Variants in PCDHGB2 observed in about 807,000 individuals in gnomAD.
PCDHGB2 encodes protocadherin gamma-B2.
In PCDHGB2, 55 loss-of-function variants were observed where a neutral mutation model predicts 59.3. The ratio of observed to expected loss-of-function variants is 0.93; its 90% CI spans 0.75 to 1.16. The LOEUF (loss-of-function observed/expected upper bound fraction) is 1.16. Ranked by LOEUF, PCDHGB2 falls within the 50% of genes most tolerant of loss-of-function variation. The pLI, the probability that PCDHGB2 is intolerant of heterozygous loss-of-function variation, is 0.00. For missense variants in PCDHGB2, 1,228 were observed against 1,198.5 expected (o/e 1.02, Z -0.36); for synonymous variants, 516 against 512.0 (o/e 1.01, Z -0.11).
chr5:141,362,537 C>A lies in PCDHGB2; in HGVS notation c.2402C>A (p.Ala801Asp). ...TNHGAAGVPF[A>D]SDTILKQAPP... is the part of the protein sequence containing the mutation. ...CATGGAGCCGCTGGGGTCCCTTTTGCCTCAGATACTATTTTGAAGGTGAGC... is the reference window on the plus strand; with the variant it reads ...CATGGAGCCGCTGGGGTCCCTTTTGACTCAGATACTATTTTGAAGGTGAGC... The change falls in exon 1 of 4, where the codon GCC (alanine) becomes GAC (aspartate). Residue 801 changes from alanine (A) to aspartate (D), a missense_variant. Physicochemically the swap from Ala to Asp is moderately radical, Grantham distance 126 (BLOSUM62 -2). Transcript: ENST00000522605. 6.2e-7 allele frequency: 1 copy of A among 1,613,822 alleles called. No individual in the cohort carries two copies. The highest frequency in any genetic ancestry group is 8.5e-7 in the Non-Finnish European group (1 of 1,179,842).
At chr5:141,500,295 G>A (rs911106966) in intron 2 of PCDHGB2, among the ~76,000 whole-genome samples, 2 of 151,282 alleles carry the variant, frequency 1.3e-5, no homozygotes, top group African/African-American at 4.9e-5. Flanking sequence ...TGCAAGCTCC[G>A]CCTCCCAGGT....
intron 1 of PCDHGB2, chr5:141,421,255 C>A (rs759899934): frequency 1.9e-6 from 3 of 1,607,644 alleles, no homozygotes; most frequent in Non-Finnish European, 2.5e-6. Context: ...GCGCGGGGAC[C>A]GCAGTCGGCT....
At chr5:141,409,936 A>G in intron 1 of PCDHGB2, 2 of 1,613,064 alleles carry the variant, frequency 1.2e-6, no homozygotes, top group Non-Finnish European at 1.7e-6. Context: ...TCGATATGGT[A>G]CCTCGCTCTG....
At chr5:141,375,517 C>T (rs1399312320) in intron 1 of PCDHGB2, 3 of 1,614,038 alleles carry the variant, frequency 1.9e-6, no homozygotes, top group Non-Finnish European at 1.7e-6. Flanking sequence ...ATGCACTGGA[C>T]CCTGACGTGG....
chr5:141,499,599 C>G (rs2099792919), intron 2 of PCDHGB2, among the ~76,000 whole-genome samples: 2 of 152,102 alleles, frequency 1.3e-5, no homozygotes, highest in South Asian at 4.1e-4. Context: ...TCACCTATAT[C>G]CCTACCCTTA....
chr5:141,438,998 C>A (rs932958148), intron 1 of PCDHGB2, among the ~76,000 whole-genome samples: 7 of 151,836 alleles, frequency 4.6e-5, no homozygotes, highest in Non-Finnish European at 1.0e-4. Flanking sequence ...GGCTAAGGAC[C>A]TGGTTTGTTT....
intron 1 of PCDHGB2, among the ~76,000 whole-genome samples, chr5:141,469,667 T>C (rs62379201): frequency 0.22 from 32,952 of 152,218 alleles, 3,707 homozygotes; most frequent in African/African-American, 0.28. Flanking sequence ...CTTGTTCTAA[T>C]AAAACTACAT....
chr5:141,478,420 C>A, intron 1 of PCDHGB2: 1 of 1,613,676 alleles, frequency 6.2e-7, no homozygotes, highest in Non-Finnish European at 8.5e-7. Context: ...ACTCCCGCCG[C>A]AGCGACCCGC....
intron 1 of PCDHGB2, among the ~76,000 whole-genome samples, chr5:141,449,921 C>T (rs2098659300): frequency 6.6e-6 from 1 of 151,648 alleles, no homozygotes; most frequent in African/African-American, 2.4e-5. Flanking sequence ...TTAAATTCTA[C>T]CATACCTTAT....
intron 1 of PCDHGB2, among the ~76,000 whole-genome samples, chr5:141,484,795 C>T (rs1265916821): frequency 6.6e-6 from 1 of 151,784 alleles, no homozygotes; most frequent in African/African-American, 2.4e-5. Context: ...AGATAACAAC[C>T]CGTGGAAAAA....
chr5:141,491,438 G>T lies in PCDHGB2; in HGVS notation c.2422-3369G>T, dbSNP rs376927300. 3.7e-6 allele frequency: 6 copies of T among 1,613,948 alleles called. No homozygotes were observed. The African/African-American group carries it at 4.0e-5, about 11-fold the overall frequency. ...GGGGGTGGAGGGCAGTGCTGCAGGCGCCAGGACTCACCCTCCCCGGACTTC... is the reference window on the plus strand; with the variant it reads ...GGGGGTGGAGGGCAGTGCTGCAGGCTCCAGGACTCACCCTCCCCGGACTTC... On this transcript the variant is annotated intron_variant, in intron 1 of 3. Transcript: ENST00000522605. The surrounding 1 kb of genome is among the most constrained non-coding windows in gnomAD (Gnocchi z 6.9).
At chr5:141,419,934 T>C (rs1427601115) in intron 1 of PCDHGB2, 3 of 1,613,952 alleles carry the variant, frequency 1.9e-6, no homozygotes, top group Non-Finnish European at 2.5e-6. Flanking sequence ...CAGTTTTACC[T>C]GGTGGTGGCC....
intron 1 of PCDHGB2, chr5:141,366,519 G>A (rs1421344823): frequency 2.5e-6 from 4 of 1,614,138 alleles, no homozygotes; most frequent in Non-Finnish European, 1.7e-6. Flanking sequence ...GCTGAAGGCA[G>A]CAGGTTGGCG....
chr5:141,432,584 C>T lies in PCDHGB2; in HGVS notation c.2422-62223C>T, dbSNP rs762935149. The T allele has an allele frequency of 2.3e-5, 37 of 1,613,854 alleles. No individual in the cohort carries two copies. The highest frequency in any genetic ancestry group is 3.3e-4 in the Middle Eastern group (2 of 6,018). On this transcript the variant is annotated intron_variant, in intron 1 of 3. Coordinates refer to ENST00000522605, the MANE Select transcript of PCDHGB2 (RefSeq NM_018923.3). The surrounding 1 kb of genome is among the most constrained non-coding windows in gnomAD (Gnocchi z 6.0). ...GAACGCCTGGCTGTCCTACCGTCTG[C>T]TCAAGGCCAGCGAGCCGGGACTCTT...
intron 1 of PCDHGB2, chr5:141,387,603 C>G (rs905416609): frequency 1.8e-6 from 1 of 544,680 alleles, no homozygotes; most frequent in African/African-American, 1.9e-5. Context: ...GCAGCAGAGG[C>G]TGTAGTTTCC....
intron 1 of PCDHGB2, among the ~76,000 whole-genome samples, chr5:141,460,317 A>G (rs1045494740): frequency 4.6e-5 from 7 of 152,260 alleles, no homozygotes; most frequent in African/African-American, 1.7e-4. Flanking sequence ...CTCCTTGCCT[A>G]CTGAAAACTT....
At chr5:141,458,308 A>G (rs1363472724) in intron 1 of PCDHGB2, among the ~76,000 whole-genome samples, 1 of 152,196 alleles carries the variant, frequency 6.6e-6, no homozygotes, top group Non-Finnish European at 1.5e-5. Context: ...AGATAAAATG[A>G]CACAGACACA....
intron 2 of PCDHGB2, among the ~76,000 whole-genome samples, chr5:141,496,505 A>G (rs1166234572): frequency 1.3e-5 from 2 of 152,144 alleles, no homozygotes; most frequent in Non-Finnish European, 2.9e-5. Flanking sequence ...TGTTGCCACA[A>G]GGACCCAGGA....
At chr5:141,365,752 G>A in intron 1 of PCDHGB2, 1 of 1,613,696 alleles carries the variant, frequency 6.2e-7, no homozygotes, top group African/African-American at 1.3e-5. Flanking sequence ...TCTTCTCTGT[G>A]ACAGCCCATG....
Sources: gnomAD v4.1 joint callset for allele counts (sites outside exome capture counted in the v4.1 genomes callset) on GRCh38, gnomAD v4.1.1 for gene constraint, Gnocchi (gnomAD v3.1) non-coding constraint, MANE v1.5 for transcripts, NCBI Gene and HGNC (gene_info 2026-07-23, HGNC 2026-07-21) for gene names.